The following ARHGEF28 variants were observed in gnomAD, a reference collection of about 807,000 sequenced individuals.
ARHGEF28 encodes the protein Rho guanine nucleotide exchange factor 28.
A neutral mutation model predicts 206.6 loss-of-function variants in ARHGEF28; 152 were observed. The ratio of observed to expected loss-of-function variants is 0.74; its 90% CI spans 0.64 to 0.84. The LOEUF (loss-of-function observed/expected upper bound fraction) is 0.84, where lower values mean the gene tolerates loss of function less well. ARHGEF28 is among the 40% of genes least tolerant of loss of function. The probability of loss-of-function intolerance (pLI) is 0.00; values close to 1 mark genes in which losing one functional copy is unlikely to be tolerated. For synonymous variants in ARHGEF28, 763 were observed against 776.4 expected, an observed-to-expected ratio of 0.98 and a Z score of 0.29; for missense variants, 2,028 against 2,073.2, an observed-to-expected ratio of 0.98 and a Z score of 0.42.
intron 33 of ARHGEF28, among the ~76,000 whole-genome samples, chr5:73,907,266 G>A (rs190356375): frequency 2.9e-4 from 44 of 152,278 alleles, no homozygotes; most frequent in Admixed American, 1.8e-3. Context: ...TAGTGTTGCC[G>A]GATGAAAACA....
chr5:73,667,690 C>T (rs1746047985), intron 1 of ARHGEF28, among the ~76,000 whole-genome samples: 1 of 152,134 alleles, frequency 6.6e-6, no homozygotes, highest in Admixed American at 6.6e-5. Flanking sequence ...TTTCCCAAAC[C>T]TTTATGTTGT....
At chr5:73,686,103 G>T (rs1439509611) in intron 2 of ARHGEF28, among the ~76,000 whole-genome samples, 1 of 152,048 alleles carries the variant, frequency 6.6e-6, no homozygotes, top group African/African-American at 2.4e-5. Context: ...TAGAAAAGCT[G>T]CCCCTTGAGT....
At chr5:73,826,669 T>C (rs1269130762) in intron 9 of ARHGEF28, among the ~76,000 whole-genome samples, 1 of 152,218 alleles carries the variant, frequency 6.6e-6, no homozygotes, top group Non-Finnish European at 1.5e-5. Context: ...AACTGTTTCC[T>C]GCTAGACTTG....
At chr5:73,852,542 CTGGTAGTGTGTATAA>C in intron 13 of ARHGEF28, 93 bp from the exon 14 acceptor site, 2 of 909,228 alleles carry the variant, frequency 2.2e-6, no homozygotes, top group South Asian at 2.9e-5. Context: ...TATTTTCTAG[CTGGTAGTGTGTATAA>C]TGATACAATA....
intron 1 of ARHGEF28, among the ~76,000 whole-genome samples, chr5:73,681,625 G>A (rs1401505402): frequency 6.6e-6 from 1 of 151,680 alleles, no homozygotes; most frequent in Non-Finnish European, 1.5e-5. Flanking sequence ...GACAATCCTG[G>A]CCAACATAGT....
intron 7 of ARHGEF28, among the ~76,000 whole-genome samples, chr5:73,783,845 C>A (rs1455770634): frequency 6.6e-6 from 1 of 152,120 alleles, no homozygotes; most frequent in African/African-American, 2.4e-5. Flanking sequence ...ATATACGTGG[C>A]TGCCAGTTTG....
chr5:73,712,329 C>G (rs1329888628), intron 2 of ARHGEF28, among the ~76,000 whole-genome samples: 4 of 151,924 alleles, frequency 2.6e-5, no homozygotes, highest in Non-Finnish European at 2.9e-5. Context: ...GACTAGGAAC[C>G]CTTTGTCCTT....
intron 9 of ARHGEF28, chr5:73,803,333 C>T (rs2129403): frequency 0.39 from 61,995 of 159,330 alleles, 12,576 homozygotes; most frequent in Non-Finnish European, 0.44. Flanking sequence ...TTAGAATCTT[C>T]GCATTTGAAA....
At chr5:73,852,240 G>T (rs1237125006) in intron 13 of ARHGEF28, among the ~76,000 whole-genome samples, 1 of 152,168 alleles carries the variant, frequency 6.6e-6, no homozygotes, top group Non-Finnish European at 1.5e-5. Flanking sequence ...TGTCCTTCAA[G>T]ACTTCATTTG....
chr5:73,738,564 G>A (rs1751170582), intron 2 of ARHGEF28, among the ~76,000 whole-genome samples: 1 of 151,692 alleles, frequency 6.6e-6, no homozygotes, highest in Admixed American at 6.6e-5. Context: ...ATAGATAGGT[G>A]GAAGGAATAT....
rs749289007 is a variant in ARHGEF28, at chr5:73,909,887, G to A, written c.4637G>A (p.Gly1546Asp). Residue 1546 changes from glycine (G) to aspartate (D), a missense_variant, in exon 34 of 36, where the codon GGT (glycine) becomes GAT (aspartate). Physicochemically the swap from Gly to Asp is moderately conservative, Grantham distance 94 (BLOSUM62 -1). This residue lies in a region of ARHGEF28 where 803 missense variants were observed against 768.0 expected (regional missense o/e 1.05). Coordinates refer to ENST00000513042, the MANE Select transcript of ARHGEF28 (RefSeq NM_001177693.2). ...AGCCTGCCCGCGGTGCTCCTTCCGG[G>A]TGGCCCCGAGGTATGGACCTTCTGC... ...QRSLPAVLLP[G>D]GPEVMELNRS... 4 of 1,511,598 alleles carry A rather than the reference G, an allele frequency of 2.6e-6. No homozygotes were observed. Among genetic ancestry groups the A allele is most frequent in the Non-Finnish European group, 3.5e-6 (4 of 1,143,058 alleles). 93.6% of individuals were successfully genotyped at this position (1,511,598 alleles called of 1,614,324 possible).
chr5:73,729,338 T>G (rs1300018058), intron 2 of ARHGEF28, among the ~76,000 whole-genome samples: 1 of 152,202 alleles, frequency 6.6e-6, no homozygotes, highest in Non-Finnish European at 1.5e-5. Context: ...TATGTGTTGC[T>G]CTAATCATGA....
In ARHGEF28 at chr5:73,753,195, A is replaced by T. The variant is rs1464919346; in HGVS notation, c.468A>T (p.Ser156=). ...PLEWTVLGSS[S]LEVSSHRESL... Reference sequence around the variant, plus strand: ...AGTGGACTGTGTTGGGAAGTTCTTCACTTGAAGGTGGGTCATCACCAGAAA... The same window carrying T: ...AGTGGACTGTGTTGGGAAGTTCTTCTCTTGAAGGTGGGTCATCACCAGAAA... The change falls in exon 4 of 36, where the codon TCA becomes TCT. Residue 156 remains serine, a synonymous_variant. Transcript: ENST00000513042. 6.6e-7 allele frequency: 1 copy of T among 1,519,228 alleles called. No individual in the cohort carries two copies. The highest frequency in any genetic ancestry group is 2.3e-5 in the East Asian group (1 of 44,048). 94.1% of individuals were successfully genotyped at this position (1,519,228 alleles called of 1,614,324 possible).
At chr5:73,671,948 G>T (rs55756324) in intron 1 of ARHGEF28, among the ~76,000 whole-genome samples, 225 of 150,282 alleles carry the variant, frequency 1.5e-3, no homozygotes, top group Non-Finnish European at 2.7e-3. Flanking sequence ...GTAGAGATGG[G>T]GTTTCACTAT....
chr5:73,681,737 C>T (rs1424521614), intron 1 of ARHGEF28, among the ~76,000 whole-genome samples: 1 of 152,060 alleles, frequency 6.6e-6, no homozygotes, highest in Non-Finnish European at 1.5e-5. Context: ...ATTGGTTGAA[C>T]CTGGGAGGCA....
chr5:73,701,178 G>C (rs571836688), intron 2 of ARHGEF28, among the ~76,000 whole-genome samples: 1 of 152,268 alleles, frequency 6.6e-6, no homozygotes, highest in African/African-American at 2.4e-5. Flanking sequence ...TTGTATGTTT[G>C]AAATCAGATT....
At chr5:73,762,265 G>T (rs1752641652) in intron 4 of ARHGEF28, among the ~76,000 whole-genome samples, 1 of 151,880 alleles carries the variant, frequency 6.6e-6, no homozygotes, top group Non-Finnish European at 1.5e-5. Flanking sequence ...AGACCAGACT[G>T]ACCAATATGG....
At chr5:73,721,596 A>C (rs1749950580) in intron 2 of ARHGEF28, among the ~76,000 whole-genome samples, 1 of 151,860 alleles carries the variant, frequency 6.6e-6, no homozygotes. Flanking sequence ...TTTCAGAATC[A>C]GGGTCTCACT....
At chr5:73,668,457 C>G (rs1746103662) in intron 1 of ARHGEF28, among the ~76,000 whole-genome samples, 1 of 152,168 alleles carries the variant, frequency 6.6e-6, no homozygotes, top group Non-Finnish European at 1.5e-5. Context: ...GCCAAACCCA[C>G]TTTTATAACA....
Sources: gnomAD v4.1 joint callset for allele counts (sites outside exome capture counted in the v4.1 genomes callset) on GRCh38, gnomAD v4.1.1 for gene constraint, gnomAD v4.1.1 regional missense constraint, MANE v1.5 for transcripts, NCBI Gene and HGNC (gene_info 2026-07-23, HGNC 2026-07-21) for gene names.